The following SCARB2 variants were observed in gnomAD, a reference collection of about 807,000 sequenced individuals.
SCARB2 encodes scavenger receptor class B member 2, also known as lysosome membrane protein 2.
A neutral mutation model predicts 58.6 loss-of-function variants in SCARB2; 29 were observed. The ratio of observed to expected loss-of-function variants is 0.49; its 90% CI spans 0.37 to 0.67. The LOEUF is 0.67. Ranked by LOEUF, SCARB2 falls within the 30% of genes least tolerant of loss-of-function variation. The probability of loss-of-function intolerance (pLI) is 0.00; values close to 1 mark genes in which losing one functional copy is unlikely to be tolerated. For synonymous variants in SCARB2, 195 were observed against 210.1 expected (o/e 0.93, Z 0.62); for missense variants, 488 against 578.5 (o/e 0.84, Z 1.60).
intron 4 of SCARB2, 104 bp from the exon 5 acceptor site, chr4:76,176,632 G>T: frequency 2.6e-6 from 2 of 761,378 alleles, no homozygotes; most frequent in Non-Finnish European, 4.6e-6. Context: ...AGCCCAGATG[G>T]TGTGGTGAAG....
intron 9 of SCARB2, among the ~76,000 whole-genome samples, chr4:76,167,767 C>T (rs144477021): frequency 0.026 from 3,798 of 147,996 alleles, 150 homozygotes; most frequent in African/African-American, 0.089. Flanking sequence ...CTGTGACCTC[C>T]GACTCCCTGG....
At chr4:76,223,527 G>A (rs765098148) in intron 1 of SCARB2, among the ~76,000 whole-genome samples, 16 of 152,218 alleles carry the variant, frequency 1.1e-4, no homozygotes, top group Admixed American at 2.0e-4. Context: ...TATTATCACC[G>A]CCCTCTTCCT....
Position 76,168,465 on chromosome 4 carries a change from T to G in SCARB2, c.1125A>C (p.Ile375=), listed in dbSNP as rs780784236. The G allele has an allele frequency of 6.2e-7, 1 of 1,613,982 alleles. No individual in the cohort carries two copies. The highest frequency in any genetic ancestry group is 1.7e-5 in the Admixed American group (1 of 60,030). The change falls in exon 9 of 12, where the codon ATA becomes ATC. Residue 375 remains isoleucine, a synonymous_variant. Transcript: ENST00000264896. ...GGAACCTCTTGGCTGCTTTTAGGAT[T>G]ATTCCAGTCAACTGCAAATCAGAGA... is the stretch of plus-strand genomic sequence containing the variant. ...TFVDINPLTG[I]ILKAAKRFQI...
chr4:76,177,431 C>T lies in SCARB2; in HGVS notation c.613-903G>A, dbSNP rs1003818257. ...TGCTAGCAGGAATATAAAAATGTTG[C>T]AGTCACTGCAGAAAACAGTTTGTCA... On this transcript the variant is annotated intron_variant, in intron 4 of 11. Coordinates refer to ENST00000264896, the MANE Select transcript of SCARB2 (RefSeq NM_005506.4). Among the ~76,000 whole-genome samples the T allele has an allele frequency of 2.6e-5, 4 of 151,784 alleles. No homozygotes were observed. The East Asian group carries it at 7.7e-4, about 29-fold the overall frequency.
intron 10 of SCARB2, chr4:76,163,997 A>G (rs1482670794): frequency 6.3e-6 from 1 of 158,908 alleles, no homozygotes; most frequent in Non-Finnish European, 1.4e-5. Context: ...TCTTGGTTAC[A>G]TCTATAGTAA....
At chr4:76,227,452 G>A (rs567592455) in intron 1 of SCARB2, among the ~76,000 whole-genome samples, 127 of 152,194 alleles carry the variant, frequency 8.3e-4, no homozygotes, top group African/African-American at 3.0e-3. Flanking sequence ...CTGTTTTGTG[G>A]CCTATCATAT....
At position 76,224,866 on chromosome 4, in the gene SCARB2, C is replaced by T. The variant is rs112902275; in HGVS notation, c.-358+9437G>A. On this transcript the variant is annotated intron_variant, in intron 1 of 11. Coordinates refer to the SCARB2 transcript ENST00000638295. ...GCACACATCACCCAAGCAGTAAACA[C>T]GGTATCCAATGTGTAGTCTTTTATC... Among the ~76,000 whole-genome samples, 819 of 152,206 alleles carry T rather than the reference C, an allele frequency of 5.4e-3. 10 individuals carry two copies. The highest frequency in any genetic ancestry group is 0.018 in the African/African-American group (766 of 41,524).
intron 1 of SCARB2, 65 bp from the exon 2 acceptor site, chr4:76,195,929 G>A: frequency 7.8e-7 from 1 of 1,289,554 alleles, no homozygotes. Flanking sequence ...AACCCAAGAA[G>A]CAGAGGAAGG....
At chr4:76,166,630 C>A (rs1178988862) in intron 9 of SCARB2, 1 of 418,090 alleles carries the variant, frequency 2.4e-6, no homozygotes, top group Admixed American at 3.6e-5. Context: ...AACTAGGCCA[C>A]TGAAGTACTG....
intron 10 of SCARB2, chr4:76,164,397 C>T (rs1390243691): frequency 6.6e-6 from 1 of 152,290 alleles, no homozygotes; most frequent in Non-Finnish European, 1.5e-5. Flanking sequence ...GACTGTAATC[C>T]CAGCACTTTG....
chr4:76,217,559 C>A, upstream of SCARB2: 1 of 504,088 alleles, frequency 2.0e-6, no homozygotes, highest in Non-Finnish European at 3.6e-6. Flanking sequence ...CACAGGTGTG[C>A]TCCCTTTCTG....
rs910816084 is a variant in SCARB2, at chr4:76,166,104, T to G, written c.1239+146A>C. ...AGACACAGGCAGATTCATGTGAACA[T>G]TTAAGTGAAATTTTCTGAGGAATAA... is the stretch of plus-strand genomic sequence containing the variant. On this transcript the variant is annotated intron_variant, in intron 10 of 11. Transcript: ENST00000264896. The G allele has an allele frequency of 4.8e-6, 4 of 837,472 alleles. No individual in the cohort carries two copies. The African/African-American group carries it at 5.0e-5, about 10-fold the overall frequency. The allele number at this position is 837,472 out of a possible 1,614,324, so 51.9% of individuals were successfully genotyped here.
intron 4 of SCARB2, among the ~76,000 whole-genome samples, chr4:76,177,553 T>C (rs1429380798): frequency 1.3e-5 from 2 of 152,174 alleles, no homozygotes; most frequent in Admixed American, 6.5e-5. Flanking sequence ...TACCCAATGT[T>C]CATATAAAAG....
intron 1 of SCARB2, among the ~76,000 whole-genome samples, chr4:76,233,676 T>A (rs1176331536): frequency 6.6e-6 from 1 of 151,064 alleles, no homozygotes; most frequent in Non-Finnish European, 1.5e-5. Flanking sequence ...CCGGGTGGGG[T>A]TCTTTAAGAG....
intron 9 of SCARB2, among the ~76,000 whole-genome samples, chr4:76,167,730 G>GTGCA (rs1732040833): frequency 7.8e-6 from 1 of 128,472 alleles, no homozygotes; most frequent in Non-Finnish European, 1.6e-5. Flanking sequence ...TCGCCAGACT[G>GTGCA]GAGTGCAGTG....
At chr4:76,176,194 T>C (rs1317438295) in intron 5 of SCARB2, 30 of 601,688 alleles carry the variant, frequency 5.0e-5, no homozygotes, top group Non-Finnish European at 8.8e-6. Flanking sequence ...TAAGCAAGAG[T>C]GGGACTTTTC....
chr4:76,179,300 C>T (rs1732329536), intron 4 of SCARB2: 1 of 543,192 alleles, frequency 1.8e-6, no homozygotes, highest in Non-Finnish European at 3.3e-6. Context: ...ATGATCCACC[C>T]ACCTCGGTCT....
intron 7 of SCARB2, among the ~76,000 whole-genome samples, chr4:76,170,714 T>C (rs55811990): frequency 0.2 from 30,840 of 151,568 alleles, 3,610 homozygotes; most frequent in East Asian, 0.35. Flanking sequence ...GAGACAGCGT[T>C]TCACCATGTT....
At chr4:76,179,728 G>A in intron 3 of SCARB2, 23 bp from the exon 4 acceptor site, 1 of 1,591,146 alleles carries the variant, frequency 6.3e-7, no homozygotes, top group Non-Finnish European at 8.6e-7. Context: ...GGTATATTAA[G>A]ACAGCAGCAT....
Sources: gnomAD v4.1 joint callset for allele counts (sites outside exome capture counted in the v4.1 genomes callset) on GRCh38, gnomAD v4.1.1 for gene constraint, MANE v1.5 for transcripts, NCBI Gene and HGNC (gene_info 2026-07-23, HGNC 2026-07-21) for gene names.